The following TBC1D5 variants were observed in gnomAD, a reference collection of about 807,000 sequenced individuals.
TBC1D5 encodes the protein TBC1 domain family member 5, also known as TBC1 domain family, member 5.
Under a neutral mutation model 100.3 loss-of-function variants are expected in TBC1D5, and 75 were observed. That is an observed-to-expected ratio of 0.75 (90% CI 0.62 to 0.91). TBC1D5 has a LOEUF of 0.91. TBC1D5 is among the 40% of genes least tolerant of loss of function. TBC1D5 has a pLI of 0.00. For synonymous variants in TBC1D5, 323 were observed against 325.6 expected (o/e 0.99, Z 0.09); for missense variants, 910 against 942.4 (o/e 0.97, Z 0.45).
intron 3 of TBC1D5, among the ~76,000 whole-genome samples, chr3:17,495,728 T>C (rs2095698904): frequency 6.6e-6 from 1 of 152,208 alleles, no homozygotes; most frequent in Non-Finnish European, 1.5e-5. Context: ...AGGTCAGAAA[T>C]ACCTACATTA....
chr3:17,682,050 C>T (rs550282309), intron 1 of TBC1D5, among the ~76,000 whole-genome samples: 1 of 151,430 alleles, frequency 6.6e-6, no homozygotes, highest in Non-Finnish European at 1.5e-5. Flanking sequence ...ACCCTTCCCC[C>T]CACCGTCCAT....
intron 2 of TBC1D5, among the ~76,000 whole-genome samples, chr3:17,557,138 T>C (rs1023344542): frequency 3.9e-5 from 6 of 152,198 alleles, no homozygotes; most frequent in African/African-American, 1.2e-4. Context: ...TGGTATCAAT[T>C]CTGACTATTT....
rs572415249 is a variant in TBC1D5, at chr3:17,532,374, T to A, written c.-35-23769A>T. Among the ~76,000 whole-genome samples, 9 of 152,210 alleles carry A rather than the reference T, an allele frequency of 5.9e-5. No homozygotes were observed. The East Asian group carries it at 1.7e-3, about 29-fold the overall frequency. ...AGGATGTAGAGAAACAGGAACACTT[T>A]TACACTGTTGGTGGGACTGTAAACT... On this transcript the variant is annotated intron_variant, in intron 2 of 21. Transcript: ENST00000253692.
intron 15 of TBC1D5, among the ~76,000 whole-genome samples, chr3:17,269,594 T>C (rs1350426828): frequency 1.3e-5 from 2 of 152,152 alleles, no homozygotes; most frequent in African/African-American, 2.4e-5. Context: ...ATTACCCAGA[T>C]GGTGAACACA....
chr3:17,404,987 T>C, intron 5 of TBC1D5, 26 bp from the exon 6 acceptor site: 2 of 1,461,100 alleles, frequency 1.4e-6, no homozygotes, highest in Non-Finnish European at 1.9e-6. Flanking sequence ...GAAGAAACTT[T>C]TGTAAAAATC....
At chr3:17,668,024 T>C (rs1372847840) in intron 1 of TBC1D5, among the ~76,000 whole-genome samples, 2 of 151,610 alleles carry the variant, frequency 1.3e-5, no homozygotes. Flanking sequence ...GACTGTGTTA[T>C]ATTCTATTAA....
chr3:17,513,708 C>T, intron 2 of TBC1D5, among the ~76,000 whole-genome samples: 1 of 152,074 alleles, frequency 6.6e-6, no homozygotes, highest in East Asian at 1.9e-4. Flanking sequence ...AAGATTTCTC[C>T]TATAAGAAAA....
In TBC1D5 at chr3:17,575,044, C is replaced by T. The variant is rs2096649268; in HGVS notation, c.-36+48805G>A. Among the ~76,000 whole-genome samples, 4 of 152,036 alleles carry T rather than the reference C, an allele frequency of 2.6e-5. No homozygotes were observed. In the South Asian group the frequency reaches 8.3e-4, roughly 31 times the overall value. ...ATACTCCATTAAAAATTTCCAATGT[C>T]CCAGGTGCAATAGCTCAGGCCTGTA... On this transcript the variant is annotated intron_variant, in intron 2 of 21. Coordinates refer to ENST00000253692, the Ensembl canonical transcript of TBC1D5.
chr3:17,609,387 T>TC (rs1453691210), intron 2 of TBC1D5, among the ~76,000 whole-genome samples: 2 of 152,176 alleles, frequency 1.3e-5, no homozygotes, highest in African/African-American at 4.8e-5. Flanking sequence ...TGAATGTCCT[T>TC]CCCCAAGCCT....
At chr3:17,428,484 T>A in exon 4 of TBC1D5, 1 of 1,511,594 alleles carries the variant, frequency 6.6e-7, no homozygotes, top group Middle Eastern at 2.4e-4. Flanking sequence ...GAGTCTAAAG[T>A]AGAACTTGTT....
At chr3:17,267,378 A>G (rs1381198320) in intron 15 of TBC1D5, among the ~76,000 whole-genome samples, 1 of 151,256 alleles carries the variant, frequency 6.6e-6, no homozygotes, top group Non-Finnish European at 1.5e-5. Context: ...TCCTTCTTCA[A>G]TGTCAGTAAT....
intron 2 of TBC1D5, among the ~76,000 whole-genome samples, chr3:17,517,233 T>C (rs570256003): frequency 6.6e-6 from 1 of 152,246 alleles, no homozygotes; most frequent in Non-Finnish European, 1.5e-5. Flanking sequence ...GAAATCTGTG[T>C]ATTTTACTCA....
chr3:17,588,259 A>G (rs1387154625), intron 2 of TBC1D5, among the ~76,000 whole-genome samples: 1 of 151,900 alleles, frequency 6.6e-6, no homozygotes, highest in Non-Finnish European at 1.5e-5. Context: ...AAGGAGAAAA[A>G]AAAAAAAAAA....
chr3:17,668,239 G>A (rs1252265200), intron 1 of TBC1D5, among the ~76,000 whole-genome samples: 1 of 150,458 alleles, frequency 6.6e-6, no homozygotes, highest in East Asian at 1.9e-4. Context: ...TATGAGCTGA[G>A]AAAGGAGGAA....
intron 14 of TBC1D5, among the ~76,000 whole-genome samples, chr3:17,304,468 C>T (rs1321151869): frequency 2.6e-5 from 4 of 152,110 alleles, no homozygotes; most frequent in East Asian, 1.9e-4. Context: ...AGTGCAGAGG[C>T]GCAATCACGG....
At chr3:17,665,031 TAAAAAAAAAA>T (rs61069894) in intron 1 of TBC1D5, 1 of 97,088 alleles carries the variant, frequency 1.0e-5, no homozygotes, top group African/African-American at 4.0e-5. Context: ...CCCCGCTATT[TAAAAAAAAAA>T]AAAAAAAAAA....
intron 2 of TBC1D5, among the ~76,000 whole-genome samples, chr3:17,535,012 GGT>G (rs1491227790): frequency 2.0e-5 from 3 of 152,118 alleles, no homozygotes; most frequent in Non-Finnish European, 4.4e-5. Flanking sequence ...AAAGTAAAAT[GGT>G]AAGTTTTTAA....
chr3:17,241,168 GT>G (rs2076278895), intron 16 of TBC1D5, among the ~76,000 whole-genome samples: 2 of 152,048 alleles, frequency 1.3e-5, no homozygotes, highest in Non-Finnish European at 2.9e-5. Flanking sequence ...GAGCTTGTCT[GT>G]TTTTCTAGGC....
chr3:17,685,637 C>T (rs2153818183), intron 1 of TBC1D5, among the ~76,000 whole-genome samples: 1 of 152,082 alleles, frequency 6.6e-6, no homozygotes, highest in Non-Finnish European at 1.5e-5. Context: ...TACATATGAA[C>T]ACATTTTCAA....
Sources: allele counts gnomAD v4.1 joint callset (sites outside exome capture counted in the v4.1 genomes callset), GRCh38; gene constraint gnomAD v4.1.1; transcripts MANE v1.5; gene names NCBI Gene and HGNC (gene_info 2026-07-23, HGNC 2026-07-21).